VIPR2: variants seen among roughly 807,000 people sequenced by gnomAD.
VIPR2 encodes vasoactive intestinal peptide receptor 2.
A neutral mutation model predicts 58.0 loss-of-function variants in VIPR2; 48 were observed. That is an observed-to-expected ratio of 0.83 (90% CI 0.66 to 1.05). The LOEUF (loss-of-function observed/expected upper bound fraction) is 1.05. VIPR2 is among the 50% of genes least tolerant of loss of function. VIPR2 has a pLI of 0.00. For synonymous variants in VIPR2, 243 were observed against 235.2 expected, an observed-to-expected ratio of 1.03 and a Z score of -0.30; for missense variants, 534 against 558.0, an observed-to-expected ratio of 0.96 and a Z score of 0.43.
chr7:159,030,940 G>C, intron 12 of VIPR2, 151 bp from the exon 13 acceptor site: 2 of 1,115,896 alleles, frequency 1.8e-6, no homozygotes, highest in Non-Finnish European at 2.4e-6. Context: ...AACGGCCTTG[G>C]GGGCAGAGGC....
At chr7:159,063,029 T>A (rs1013897688) in intron 4 of VIPR2, among the ~76,000 whole-genome samples, 2 of 152,158 alleles carry the variant, frequency 1.3e-5, no homozygotes, top group African/African-American at 4.8e-5. Context: ...ATCTCTTAGC[T>A]AGACATAAAG....
At chr7:159,046,225 A>C (rs1280973929) in intron 5 of VIPR2, among the ~76,000 whole-genome samples, 1 of 152,212 alleles carries the variant, frequency 6.6e-6, no homozygotes, top group Non-Finnish European at 1.5e-5. Flanking sequence ...TATACGCTCC[A>C]AAGAGTTGGA....
chr7:159,132,534 T>C (rs1236503981), intron 2 of VIPR2, among the ~76,000 whole-genome samples: 1 of 152,276 alleles, frequency 6.6e-6, no homozygotes, highest in Non-Finnish European at 1.5e-5. Context: ...CCATGGAGTC[T>C]GGGACACCCC....
At chr7:159,142,884 T>G (rs1420543908) in intron 1 of VIPR2, among the ~76,000 whole-genome samples, 5 of 152,186 alleles carry the variant, frequency 3.3e-5, no homozygotes, top group Admixed American at 3.3e-4. Flanking sequence ...TCACACCCTT[T>G]GGTTTGGTTT....
At position 159,031,944 on chromosome 7, in the gene VIPR2, C is replaced by T; in HGVS notation, c.1095G>A (p.Ser365=). The T allele has an allele frequency of 3.1e-6, 5 of 1,614,154 alleles. No individual in the cohort carries two copies. The highest frequency in any genetic ancestry group is 2.2e-5 in the East Asian group (1 of 44,868). ...YQILFELCLG[S]FQGLVVAVLY... is the part of the protein sequence containing the mutation. ...GCCGCCTCCGCACACCTACCTGGAACGACCCGAGGCACAGCTCAAACAGTA... is the reference window on the plus strand; with the variant it reads ...GCCGCCTCCGCACACCTACCTGGAATGACCCGAGGCACAGCTCAAACAGTA... Residue 365 remains serine, a synonymous_variant, in exon 11 of 13, where the codon TCG becomes TCA. Transcript: ENST00000262178. This position sits in a 1 kb window ranked among gnomAD's most constrained non-coding sequence, Gnocchi z 4.0.
chr7:159,045,173 G>A (rs1170452391), intron 5 of VIPR2, among the ~76,000 whole-genome samples: 1 of 152,168 alleles, frequency 6.6e-6, no homozygotes, highest in Admixed American at 6.5e-5. Context: ...GAAGGAAAAT[G>A]AAGAGAGCCC....
chr7:159,040,537 GTC>G (rs1585342072), intron 6 of VIPR2, among the ~76,000 whole-genome samples: 2 of 152,178 alleles, frequency 1.3e-5, no homozygotes, highest in East Asian at 3.9e-4. Flanking sequence ...AGGAAACTGT[GTC>G]TCTGTCTAGG....
At chr7:159,036,049 G>A (rs767310950) in intron 7 of VIPR2, 37 bp from the exon 8 acceptor site, 22 of 1,603,550 alleles carry the variant, frequency 1.4e-5, no homozygotes, top group Non-Finnish European at 1.8e-5. Context: ...GTGGAGCGGA[G>A]CGGTGTGCAC....
Position 159,098,953 on chromosome 7 carries a change from G to A in VIPR2, c.357+4804C>T, listed in dbSNP as rs372489489. Among the ~76,000 whole-genome samples the A allele has an allele frequency of 6.6e-6, 1 of 152,186 alleles. No homozygotes were observed. The highest frequency in any genetic ancestry group is 1.5e-5 in the Non-Finnish European group (1 of 68,034). ...GCTCCCAGGCAGCCCTGCGCTCGCC[G>A]GTGGGCAGAGCCGGCCCAGGACCGT... On this transcript the variant is annotated intron_variant, in intron 4 of 12. Transcript: ENST00000262178. This position sits in a 1 kb window ranked among gnomAD's most constrained non-coding sequence, Gnocchi z 5.2.
At chr7:159,052,489 T>A (rs1855067739) in intron 5 of VIPR2, among the ~76,000 whole-genome samples, 1 of 152,208 alleles carries the variant, frequency 6.6e-6, no homozygotes, top group South Asian at 2.1e-4. Context: ...TTAAAGAAGA[T>A]ATAACATCTT....
rs1035377560 is a variant in VIPR2, at chr7:159,032,025, G to A, written c.1014C>T (p.Gly338=). 4 of 1,614,124 alleles carry A rather than the reference G, an allele frequency of 2.5e-6. No individual in the cohort carries two copies. Among genetic ancestry groups the A allele is most frequent in the African/African-American group, 1.3e-5 (1 of 75,060 alleles). ...ACACGGCAAACACCATGTAGTGGAC[G>A]CCGAACAGCGGGATAAGCAGGAGCG... ...KSTLLLIPLF[G]VHYMVFAVFP... is the part of the protein sequence containing the mutation. The change falls in exon 11 of 13, where the codon GGC becomes GGT. Residue 338 remains glycine (G), a synonymous_variant. Transcript: ENST00000262178.
At position 159,097,208 on chromosome 7, in the gene VIPR2, A is replaced by G. The variant is rs971148410; in HGVS notation, c.357+6549T>C. ...GGAGCCCTGGGGAGTGAAGTTTGCC[A>G]TCAGTGGGAACGAGTCACTGCGGTG... On this transcript the variant is annotated intron_variant, in intron 4 of 12. Coordinates refer to ENST00000262178, the MANE Select transcript of VIPR2 (RefSeq NM_003382.5). This position sits in a 1 kb window ranked among gnomAD's most constrained non-coding sequence, Gnocchi z 5.3. The G allele has an allele frequency of 1.4e-6, 2 of 1,427,208 alleles. No individual in the cohort carries two copies. The highest frequency in any genetic ancestry group is 1.8e-6 in the Non-Finnish European group (2 of 1,087,682). The allele number at this position is 1,427,208 out of a possible 1,614,324, so 88.4% of individuals were successfully genotyped here.
At chr7:159,062,459 G>A (rs902023033) in intron 4 of VIPR2, among the ~76,000 whole-genome samples, 18 of 152,188 alleles carry the variant, frequency 1.2e-4, no homozygotes, top group East Asian at 1.9e-4. Flanking sequence ...TCGCGGTCTC[G>A]CTGGCTTCAA....
At chr7:159,066,850 T>A (rs1212912490) in intron 4 of VIPR2, among the ~76,000 whole-genome samples, 3 of 152,212 alleles carry the variant, frequency 2.0e-5, no homozygotes, top group African/African-American at 4.8e-5. Flanking sequence ...GTAATCAAGG[T>A]TGACATCAAT....
At chr7:159,053,271 AAAAT>A (rs1490262081) in intron 5 of VIPR2, among the ~76,000 whole-genome samples, 72 of 152,256 alleles carry the variant, frequency 4.7e-4, no homozygotes, top group African/African-American at 1.6e-3. Flanking sequence ...TTAATATACT[AAAAT>A]AAATTTTTTC....
chr7:159,130,558 C>T (rs1258846541), intron 2 of VIPR2, among the ~76,000 whole-genome samples: 6 of 151,940 alleles, frequency 3.9e-5, no homozygotes, highest in Admixed American at 3.3e-4. Flanking sequence ...GACCATTTCC[C>T]ACACCCCTGT....
Position 159,087,634 on chromosome 7 carries a change from C to T in VIPR2, c.357+16123G>A, listed in dbSNP as rs955772522. Among the ~76,000 whole-genome samples the T allele has an allele frequency of 4.8e-5, 6 of 125,950 alleles. No homozygotes were observed. In the East Asian group the frequency reaches 1.3e-3, roughly 26 times the overall value. 82.6% of individuals were successfully genotyped at this position (125,950 alleles called of 152,430 possible). ...AGTGAGATACAGCTTCTCCAACAAA[C>T]AATACCCAGGACTCTGATAGTGAGA... On this transcript the variant is annotated intron_variant, in intron 4 of 12. Transcript: ENST00000262178.
chr7:159,080,805 C>A (rs927007820), intron 4 of VIPR2, among the ~76,000 whole-genome samples: 7 of 152,180 alleles, frequency 4.6e-5, no homozygotes, highest in Non-Finnish European at 1.0e-4. Flanking sequence ...AAATCACAAG[C>A]ATTCTTATAC....
intron 4 of VIPR2, among the ~76,000 whole-genome samples, chr7:159,091,391 T>C (rs903651495): frequency 6.6e-6 from 1 of 152,238 alleles, no homozygotes; most frequent in African/African-American, 2.4e-5. Flanking sequence ...GGGGACTGAA[T>C]GAGCTAGTCC....
Sources: allele counts gnomAD v4.1 joint callset (sites outside exome capture counted in the v4.1 genomes callset), GRCh38; gene constraint gnomAD v4.1.1; non-coding constraint Gnocchi (gnomAD v3.1); transcripts MANE v1.5; gene names NCBI Gene and HGNC (gene_info 2026-07-23, HGNC 2026-07-21).